Variants in WSCD1 observed in about 807,000 individuals in gnomAD.
The protein encoded by WSCD1 is WSC domain sialate O sulfotransferase 1.
In WSCD1, 41 loss-of-function variants were observed where a neutral mutation model predicts 60.4. That is an observed-to-expected ratio of 0.68 (90% CI 0.53 to 0.88). The LOEUF is 0.88. WSCD1 is among the 40% of genes least tolerant of loss of function. The probability of loss-of-function intolerance (pLI) is 0.00; values close to 1 mark genes in which losing one functional copy is unlikely to be tolerated. For missense variants in WSCD1, 784 were observed against 796.2 expected (o/e 0.98, Z 0.18); for synonymous variants, 361 against 332.5 (o/e 1.09, Z -0.93).
upstream of WSCD1, chr17:6,069,420 TGTGTGTGTGAGAGAGA>T (rs1357034189): frequency 1.5e-3 from 501 of 324,006 alleles, 2 homozygotes; most frequent in African/African-American, 0.011. Flanking sequence ...TGTGTGTGTG[TGTGTGTGTGAGAGAGA>T]GAGAGAGAGA....
Position 6,117,989 on chromosome 17 carries a change from G to T in WSCD1, c.1176G>T (p.Gly392=). The T allele has an allele frequency of 1.2e-6, 2 of 1,613,436 alleles. No homozygotes were observed. Among genetic ancestry groups the T allele is most frequent in the Non-Finnish European group, 8.5e-7 (1 of 1,180,000 alleles). The change falls in exon 8 of 9, where the codon GGG becomes GGT. Residue 392 remains glycine, a splice_region_variant and synonymous_variant. Coordinates refer to ENST00000317744, the MANE Select transcript of WSCD1 (RefSeq NM_015253.2). The stretch of plus-strand genomic sequence containing the variant: ...AGACCCTCTCATTTTTCCCTGCAGG[G>T]TTCAAGGGCGAAAAGGACCACTGGC... The part of the protein sequence containing the change: ...YYFDGTLYNK[G]FKGEKDHWRS...
rs1289909784 is a variant in WSCD1, at chr17:6,121,206, C to T, written c.*545C>T. 1.3e-5 allele frequency: 2 copies of T among 155,438 alleles called. No homozygotes were observed. Among genetic ancestry groups the T allele is most frequent in the African/African-American group, 2.4e-5 (1 of 41,492 alleles). 9.6% of individuals were successfully genotyped at this position (155,438 alleles called of 1,614,324 possible). ...AGGACCATTGGGATGGAGGTGGGCA[C>T]AAAGACTGCTGCTTCCAGGGTGTGC... On this transcript the variant is annotated 3_prime_UTR_variant, in exon 9 of 9. Coordinates refer to ENST00000317744, the MANE Select transcript of WSCD1 (RefSeq NM_015253.2).
intron 5 of WSCD1, among the ~76,000 whole-genome samples, chr17:6,104,747 A>T (rs1014303907): frequency 1.3e-5 from 2 of 152,306 alleles, no homozygotes; most frequent in East Asian, 3.9e-4. Flanking sequence ...TGCAGATTTC[A>T]CTGGAAACCC....
At chr17:6,095,041 G>T in intron 4 of WSCD1, 61 bp from the exon 5 acceptor site, 2 of 1,560,534 alleles carry the variant, frequency 1.3e-6, no homozygotes, top group Non-Finnish European at 1.7e-6. Flanking sequence ...CATTTTCCCT[G>T]GTGACAGGCA....
chr17:6,082,879 A>G (rs564714299), intron 2 of WSCD1, among the ~76,000 whole-genome samples: 1 of 152,288 alleles, frequency 6.6e-6, no homozygotes, highest in African/African-American at 2.4e-5. Flanking sequence ...ACGGAGCCCA[A>G]GCTGTCCTTA....
chr17:6,074,654 G>T (rs927228690), intron 1 of WSCD1, among the ~76,000 whole-genome samples: 1 of 152,242 alleles, frequency 6.6e-6, no homozygotes, highest in Non-Finnish European at 1.5e-5. Flanking sequence ...GGAAGAGGAG[G>T]CATGGGAGCT....
intron 4 of WSCD1, among the ~76,000 whole-genome samples, chr17:6,092,206 G>A (rs959900197): frequency 3.3e-5 from 5 of 151,940 alleles, no homozygotes; most frequent in Non-Finnish European, 1.5e-5. Context: ...GCTTCACAGG[G>A]GTTCTGGGGA....
chr17:6,114,854 C>T (rs192535430), intron 7 of WSCD1, among the ~76,000 whole-genome samples: 2 of 151,748 alleles, frequency 1.3e-5, no homozygotes, highest in Non-Finnish European at 2.9e-5. Flanking sequence ...CCCCCACCCC[C>T]CAACAGGCCC....
At chr17:6,114,479 C>T (rs1458211361) in intron 7 of WSCD1, among the ~76,000 whole-genome samples, 1 of 151,998 alleles carries the variant, frequency 6.6e-6, no homozygotes, top group Non-Finnish European at 1.5e-5. Flanking sequence ...TGTATGTTTT[C>T]AAGTAGCCAG....
At position 6,118,997 on chromosome 17, in the gene WSCD1, T is replaced by G. The variant is rs1177932899; in HGVS notation, c.1375+809T>G. Among the ~76,000 whole-genome samples, 1 of 152,208 alleles carries G rather than the reference T, an allele frequency of 6.6e-6. No individual in the cohort carries two copies. The highest frequency in any genetic ancestry group is 1.5e-5 in the Non-Finnish European group (1 of 68,032). ...TTCCATTCCCAGGAAGGGCCTGTTT[T>G]CAGGCTTGGAGACAGCTGCCTTCTC... On this transcript the variant is annotated intron_variant, in intron 8 of 8. Coordinates refer to ENST00000317744, the MANE Select transcript of WSCD1 (RefSeq NM_015253.2). The surrounding 1 kb of genome is among the most constrained non-coding windows in gnomAD (Gnocchi z 5.8).
chr17:6,108,305 A>C (rs1486902691), intron 5 of WSCD1, among the ~76,000 whole-genome samples: 1 of 152,168 alleles, frequency 6.6e-6, no homozygotes, highest in African/African-American at 2.4e-5. Context: ...AAAAATAAAA[A>C]GGTTTGTGCA....
chr17:6,073,362 G>A (rs2150524749), intron 1 of WSCD1, among the ~76,000 whole-genome samples: 1 of 152,314 alleles, frequency 6.6e-6, no homozygotes, highest in Non-Finnish European at 1.5e-5. Flanking sequence ...CAGGCGTGGT[G>A]GCTCACACCT....
intron 7 of WSCD1, among the ~76,000 whole-genome samples, chr17:6,116,648 G>A (rs1395672602): frequency 2.6e-5 from 4 of 152,188 alleles, no homozygotes; most frequent in East Asian, 3.8e-4. Context: ...GAATCAAAGC[G>A]AGGCCTTTTG....
At position 6,121,549 on chromosome 17, in the gene WSCD1, G is replaced by A. The variant is rs1904708079; in HGVS notation, c.*888G>A. 6.6e-6 allele frequency: 1 copy of A among 152,368 alleles called. No homozygotes were observed. The highest frequency in any genetic ancestry group is 2.4e-5 in the African/African-American group (1 of 41,446). 9.4% of individuals were successfully genotyped at this position (152,368 alleles called of 1,614,324 possible). A position where few individuals can be genotyped will look rare whatever the true frequency, so the allele number is the denominator to read the frequency against. ...ATTCAAGTCATGCCCCAGAAGCAAG[G>A]TGTAAGCATGGGGGCGTGGGGAAGA... On this transcript the variant is annotated 3_prime_UTR_variant, in exon 9 of 9. Coordinates refer to ENST00000317744, the MANE Select transcript of WSCD1 (RefSeq NM_015253.2).
At chr17:6,108,179 G>A (rs181144754) in intron 5 of WSCD1, among the ~76,000 whole-genome samples, 5 of 152,296 alleles carry the variant, frequency 3.3e-5, no homozygotes, top group African/African-American at 1.2e-4. Context: ...CGCTTGCATG[G>A]GACACAGGCT....
intron 5 of WSCD1, among the ~76,000 whole-genome samples, chr17:6,104,244 A>C (rs1481404245): frequency 6.6e-6 from 1 of 152,202 alleles, no homozygotes; most frequent in East Asian, 1.9e-4. Context: ...TAAGCCATTC[A>C]TAAGGCATCC....
intron 4 of WSCD1, among the ~76,000 whole-genome samples, chr17:6,094,028 C>T (rs1222854734): frequency 7.9e-5 from 12 of 152,206 alleles, no homozygotes; most frequent in Admixed American, 7.2e-4. Context: ...TTTCTGTTTG[C>T]ACCACGTGGT....
In WSCD1 at chr17:6,123,702, AC is replaced by A. The variant is rs1344782108; in HGVS notation, c.*3042del. On this transcript the variant is annotated 3_prime_UTR_variant, in exon 9 of 9. Transcript: ENST00000317744. ...CATTGGAGGTATCTGAAATGTGATG[AC>A]TCCAAAGGGGTTCATTTCACTATAG... is the stretch of plus-strand genomic sequence containing the variant. 2 of 151,980 alleles carry A rather than the reference AC, an allele frequency of 1.3e-5. No individual in the cohort carries two copies. The highest frequency in any genetic ancestry group is 2.9e-5 in the Non-Finnish European group (2 of 68,012). The allele number at this position is 151,980 out of a possible 1,614,324, so 9.4% of individuals were successfully genotyped here. A position where few individuals can be genotyped will look rare whatever the true frequency, so the allele number is the denominator to read the frequency against.
chr17:6,083,127 G>A (rs112334501), intron 2 of WSCD1, among the ~76,000 whole-genome samples: 2,302 of 152,316 alleles, frequency 0.015, 61 homozygotes, highest in African/African-American at 0.052. Context: ...GGGTCTCTGT[G>A]CAGGTTTTAT....
Sources: gnomAD v4.1 joint callset for allele counts (sites outside exome capture counted in the v4.1 genomes callset) on GRCh38, gnomAD v4.1.1 for gene constraint, Gnocchi (gnomAD v3.1) non-coding constraint, MANE v1.5 for transcripts, NCBI Gene and HGNC (gene_info 2026-07-23, HGNC 2026-07-21) for gene names.